The following RNF169 variants were observed in gnomAD, a reference collection of about 807,000 sequenced individuals.
The protein encoded by RNF169 is ring finger protein 169.
Under a neutral mutation model 53.9 loss-of-function variants are expected in RNF169, and 24 were observed. The observed-to-expected ratio is 0.45, with a 90% CI of 0.32 to 0.63. The LOEUF (loss-of-function observed/expected upper bound fraction) is 0.63, where lower values mean the gene tolerates loss of function less well. RNF169 is among the 20% of genes least tolerant of loss of function. RNF169 has a pLI of 0.04. For synonymous variants in RNF169, 396 were observed against 363.5 expected (o/e 1.09, Z -1.02); for missense variants, 883 against 906.2 (o/e 0.97, Z 0.33).
At chr11:74,757,515 T>C (rs1410242176) in intron 1 of RNF169, among the ~76,000 whole-genome samples, 29 of 143,246 alleles carry the variant, frequency 2.0e-4, no homozygotes, top group South Asian at 9.2e-4. Flanking sequence ...ATATACCCAG[T>C]AATGGGATGG....
At chr11:74,811,934 C>T (rs1208379214) in intron 3 of RNF169, among the ~76,000 whole-genome samples, 2 of 152,214 alleles carry the variant, frequency 1.3e-5, no homozygotes, top group Non-Finnish European at 2.9e-5. Context: ...TTCACCCTGA[C>T]AGTTCTACCC....
intron 2 of RNF169, among the ~76,000 whole-genome samples, chr11:74,809,114 G>A (rs896988150): frequency 4.0e-5 from 6 of 151,136 alleles, no homozygotes; most frequent in Admixed American, 1.3e-4. Flanking sequence ...TCCTGTTTTT[G>A]TGTGTTTGTT....
chr11:74,813,982 G>T (rs2035909444), intron 3 of RNF169, among the ~76,000 whole-genome samples: 1 of 152,006 alleles, frequency 6.6e-6, no homozygotes, highest in African/African-American at 2.4e-5. Flanking sequence ...GAGCCACTGC[G>T]CCCGGCCTAG....
chr11:74,795,825 C>T (rs1227218021), intron 2 of RNF169, among the ~76,000 whole-genome samples: 1 of 152,128 alleles, frequency 6.6e-6, no homozygotes, highest in African/African-American at 2.4e-5. Flanking sequence ...TCACTGCACT[C>T]CATCCTGGGT....
rs931678488 is a variant in RNF169, at chr11:74,838,634, T to C, written c.*1904T>C. 1 of 152,248 alleles carries C rather than the reference T, an allele frequency of 6.6e-6. No homozygotes were observed. The highest frequency in any genetic ancestry group is 1.5e-5 in the Non-Finnish European group (1 of 68,042). 9.4% of individuals were successfully genotyped at this position (152,248 alleles called of 1,614,324 possible). On this transcript the variant is annotated 3_prime_UTR_variant, in exon 6 of 6. Coordinates refer to ENST00000299563, the MANE Select transcript of RNF169 (RefSeq NM_001098638.2). ...TGTGTTCTCTGTGTGTGTGCACATA[T>C]GCAGATGTATGTTTTAAAAACATTT...
chr11:74,825,170 A>G (rs1348184490), intron 4 of RNF169, among the ~76,000 whole-genome samples: 1 of 152,230 alleles, frequency 6.6e-6, no homozygotes, highest in Non-Finnish European at 1.5e-5. Context: ...TCTCAAGTGC[A>G]CATGGAACAT....
chr11:74,835,894 C>T lies in RNF169; in HGVS notation c.1291C>T (p.Leu431Phe). 1 of 1,614,130 alleles carries T rather than the reference C, an allele frequency of 6.2e-7. No homozygotes were observed. The highest frequency in any genetic ancestry group is 1.3e-5 in the African/African-American group (1 of 75,024). The change falls in exon 6 of 6, where the codon CTC becomes TTC. Residue 431 changes from leucine to phenylalanine, a missense_variant. Physicochemically the swap from Leu to Phe is conservative, Grantham distance 22. This residue lies in a region of RNF169 where 351 missense variants were observed against 337.3 expected (regional missense o/e 1.04). Transcript: ENST00000299563. Reference sequence around the variant, plus strand: ...TTCTTATGAGGCCAGTCCACGGATCCTCAAAAAGTGGGAACAGATCTTTCA... The same window carrying T: ...TTCTTATGAGGCCAGTCCACGGATCTTCAAAAAGTGGGAACAGATCTTTCA... Reference protein sequence around the residue: ...QTSYEASPRILKKWEQIFQER... With the variant: ...QTSYEASPRIFKKWEQIFQER...
chr11:74,779,223 G>A (rs1408421083), intron 1 of RNF169, among the ~76,000 whole-genome samples: 5 of 152,196 alleles, frequency 3.3e-5, no homozygotes, highest in African/African-American at 1.2e-4. Context: ...ATGTTACATA[G>A]CATTTCATAA....
chr11:74,785,250 G>A (rs529140654), intron 1 of RNF169, among the ~76,000 whole-genome samples: 61 of 72,040 alleles, frequency 8.5e-4, no homozygotes, highest in African/African-American at 2.4e-3. Flanking sequence ...TGTTATATAT[G>A]TTAGATATAT....
intron 1 of RNF169, among the ~76,000 whole-genome samples, chr11:74,757,884 G>A (rs2035012051): frequency 1.5e-5 from 1 of 65,486 alleles, no homozygotes; most frequent in Admixed American, 2.1e-4. Context: ...GTTCATTGTA[G>A]ATTCTGGATA....
rs560787536 is a variant in RNF169, at chr11:74,779,307, T to G, written c.503-10319T>G. ...GAATAGTTTAAAAACACAGTAGTAG[T>G]AGTACTACTACTACCATAGTAGTAA... On this transcript the variant is annotated intron_variant, in intron 1 of 5. Coordinates refer to ENST00000299563, the MANE Select transcript of RNF169 (RefSeq NM_001098638.2). 5.3e-5 allele frequency among the ~76,000 whole-genome samples: 8 copies of G among 152,198 alleles called. No homozygotes were observed. In the South Asian group the frequency reaches 1.5e-3, roughly 28 times the overall value.
chr11:74,835,307 A>G (rs1006740187), intron 5 of RNF169, among the ~76,000 whole-genome samples: 2 of 152,114 alleles, frequency 1.3e-5, no homozygotes, highest in Non-Finnish European at 2.9e-5. Context: ...AAAGCTTTAG[A>G]TAAGTGTTTT....
chr11:74,763,920 T>C (rs1483475880), intron 1 of RNF169, among the ~76,000 whole-genome samples: 1 of 152,200 alleles, frequency 6.6e-6, no homozygotes, highest in Non-Finnish European at 1.5e-5. Context: ...GATCATAGCT[T>C]GCTGCAGCCT....
In RNF169 at chr11:74,762,237, C is replaced by A. The variant is rs1425033504; in HGVS notation, c.502+12855C>A. Among the ~76,000 whole-genome samples the A allele has an allele frequency of 4.0e-5, 6 of 149,556 alleles. No homozygotes were observed. In the East Asian group the frequency reaches 7.9e-4, roughly 20 times the overall value. ...TTTTTCAAAGTTTTCAACTTCTTTG[C>A]CTTTGGTTTGAATGTCCTCCCGTAG... On this transcript the variant is annotated intron_variant, in intron 1 of 5. Coordinates refer to ENST00000299563, the MANE Select transcript of RNF169 (RefSeq NM_001098638.2).
rs1368087643 is a variant in RNF169 at position 74,749,507 on chromosome 11, G to C, written c.502+125G>C. The C allele has an allele frequency of 1.1e-5, 9 of 818,568 alleles. No homozygotes were observed. The East Asian group carries it at 4.2e-4, about 39-fold the overall frequency. 50.7% of individuals were successfully genotyped at this position (818,568 alleles called of 1,614,324 possible). A position where few individuals can be genotyped will look rare whatever the true frequency, so the allele number is the denominator to read the frequency against. On this transcript the variant is annotated intron_variant, in intron 1 of 5. Transcript: ENST00000299563. ...GGTGTGGAGAGTTCTCGTGGGATTA[G>C]AACCCGGGCTCTACCCAGGTGCAGT...
At chr11:74,835,272 C>T (rs560451933) in intron 5 of RNF169, among the ~76,000 whole-genome samples, 4 of 152,306 alleles carry the variant, frequency 2.6e-5, no homozygotes, top group Admixed American at 2.6e-4. Context: ...TATAAGCCAC[C>T]ATGCCTGGAC....
At chr11:74,769,300 A>G (rs980192650) in intron 1 of RNF169, among the ~76,000 whole-genome samples, 4 of 152,254 alleles carry the variant, frequency 2.6e-5, no homozygotes, top group Non-Finnish European at 5.9e-5. Context: ...GGGAAATGCA[A>G]ATTAAACCAG....
At chr11:74,749,548 G>A (rs1300621361) in intron 1 of RNF169, among the ~76,000 whole-genome samples, 166 bp downstream of exon 1, 2 of 152,214 alleles carry the variant, frequency 1.3e-5, no homozygotes, top group Non-Finnish European at 2.9e-5. Flanking sequence ...TGTGAATTTT[G>A]AACTTCAGAG....
intron 1 of RNF169, among the ~76,000 whole-genome samples, chr11:74,767,293 A>G (rs1348642981): frequency 4.6e-5 from 7 of 152,222 alleles, no homozygotes; most frequent in Non-Finnish European, 1.0e-4. Flanking sequence ...AAACTAAAGG[A>G]GAGTAAAACT....
Sources: gnomAD v4.1 joint callset for allele counts (sites outside exome capture counted in the v4.1 genomes callset) on GRCh38, gnomAD v4.1.1 for gene constraint, gnomAD v4.1.1 regional missense constraint, MANE v1.5 for transcripts, NCBI Gene and HGNC (gene_info 2026-07-23, HGNC 2026-07-21) for gene names.